Variants in FKBP1B observed in about 807,000 individuals in gnomAD.
FKBP1B encodes the protein FKBP prolyl isomerase 1B.
Under a neutral mutation model 13.5 loss-of-function variants are expected in FKBP1B, and 4 were observed. The observed-to-expected ratio is 0.30, with a 90% CI of 0.15 to 0.68. The LOEUF is 0.68. FKBP1B is among the 30% of genes least tolerant of loss of function. FKBP1B has a pLI of 0.76. For missense variants in FKBP1B, 93 were observed against 136.2 expected (o/e 0.68, Z 1.58); for synonymous variants, 54 against 53.6 (o/e 1.01, Z -0.03).
upstream of FKBP1B, among the ~76,000 whole-genome samples, chr2:24,047,056 T>G (rs1480539802): frequency 6.6e-6 from 1 of 152,110 alleles, no homozygotes; most frequent in Non-Finnish European, 1.5e-5. Flanking sequence ...TTTCCTGACT[T>G]TGGATGACTT....
In FKBP1B at chr2:24,049,843, G is replaced by C. The variant is rs1284612138; in HGVS notation, c.-7G>C. 7.1e-7 allele frequency: 1 copy of C among 1,410,542 alleles called. No homozygotes were observed. The highest frequency in any genetic ancestry group is 2.7e-5 in the Admixed American group (1 of 36,572). 87.4% of individuals were successfully genotyped at this position (1,410,542 alleles called of 1,614,324 possible). A position where few individuals can be genotyped will look rare whatever the true frequency, so the allele number is the denominator to read the frequency against. On this transcript the variant is annotated 5_prime_UTR_variant, in exon 1 of 4. Transcript: ENST00000380986. ...GACCCCCCAGAGGCGGGGCCTGTGG[G>C]ACCGCTATGGGCGTGGAGATCGAGA...
At chr2:24,039,235 A>C in the FKBP1B span, 1 of 1,614,250 alleles carries the variant, frequency 6.2e-7, no homozygotes, top group Non-Finnish European at 8.5e-7. Context: ...CAGCTGCCAC[A>C]CAGTGACATG....
At chr2:24,057,588 G>A (rs989560322) in intron 2 of FKBP1B, among the ~76,000 whole-genome samples, 6 of 152,054 alleles carry the variant, frequency 3.9e-5, no homozygotes, top group Non-Finnish European at 8.8e-5. Context: ...GGTCAGGCTG[G>A]TCTCGAACTC....
Position 24,063,458 on chromosome 2 carries a change from GACAGAACACAGA to G in FKBP1B, c.*267_*278del. On this transcript the variant is annotated 3_prime_UTR_variant, in exon 4 of 4. Transcript: ENST00000380986. Reference sequence around the variant, plus strand: ...GATGCATGTAGTAGCCTTTCCTGATGACAGAACACAGATCTCTTGTTCGCACAATCTACACTG... The same window carrying G: ...GATGCATGTAGTAGCCTTTCCTGATGTCTCTTGTTCGCACAATCTACACTG... 1.9e-5 allele frequency: 8 copies of G among 424,220 alleles called. No individual in the cohort carries two copies. The South Asian group carries it at 2.2e-4, about 12-fold the overall frequency. 26.3% of individuals were successfully genotyped at this position (424,220 alleles called of 1,614,324 possible). A position where few individuals can be genotyped will look rare whatever the true frequency, so the allele number is the denominator to read the frequency against.
rs566192876 is a variant in FKBP1B, at chr2:24,053,764, G to A, written c.38-138G>A. The A allele has an allele frequency of 3.3e-5, 27 of 812,714 alleles. No individual in the cohort carries two copies. The African/African-American group carries it at 3.8e-4, about 12-fold the overall frequency. The allele number at this position is 812,714 out of a possible 1,614,324, so 50.3% of individuals were successfully genotyped here. A position where few individuals can be genotyped will look rare whatever the true frequency, so the allele number is the denominator to read the frequency against. On this transcript the variant is annotated intron_variant, in intron 1 of 3. Transcript: ENST00000380986. Reference sequence around the variant, plus strand: ...TTCATTCTGGCTCGTACAGGGCCCAGAGCCAGAACTAGGGCCACAGGCATC... The same window carrying A: ...TTCATTCTGGCTCGTACAGGGCCCAAAGCCAGAACTAGGGCCACAGGCATC...
In FKBP1B at chr2:24,063,485, A is replaced by AG; in HGVS notation, c.*293_*294insG. ...CAGAACACAGATCTCTTGTTCGCAC[A>AG]ATCTACACTGCCTTACCTTCACTTA... On this transcript the variant is annotated 3_prime_UTR_variant, in exon 4 of 4. Transcript: ENST00000380986. The AG allele has an allele frequency of 1.1e-3, 363 of 317,716 alleles. No individual in the cohort carries two copies. The highest frequency in any genetic ancestry group is 6.4e-3 in the South Asian group (61 of 9,604). The allele number at this position is 317,716 out of a possible 1,614,324, so 19.7% of individuals were successfully genotyped here.
chr2:24,061,728 A>G (rs1664402512), intron 3 of FKBP1B, among the ~76,000 whole-genome samples: 1 of 152,224 alleles, frequency 6.6e-6, no homozygotes. Context: ...ATTATTCAAA[A>G]TTCAAAAGTA....
intron 1 of FKBP1B, 146 bp from the exon 2 acceptor site, chr2:24,053,756 A>G (rs1663987330): frequency 1.3e-6 from 1 of 762,226 alleles, no homozygotes; most frequent in African/African-American, 1.7e-5. Context: ...TGGCTCGTAC[A>G]GGGCCCAGAG....
At chr2:24,057,074 T>C (rs1249994595) in intron 2 of FKBP1B, among the ~76,000 whole-genome samples, 2 of 152,220 alleles carry the variant, frequency 1.3e-5, no homozygotes, top group African/African-American at 2.4e-5. Flanking sequence ...ATCCCAAACA[T>C]CTTCTCCCAC....
At chr2:24,037,421 G>A in the FKBP1B span, among the ~76,000 whole-genome samples, 3 of 152,088 alleles carry the variant, frequency 2.0e-5, no homozygotes, top group Non-Finnish European at 4.4e-5. Flanking sequence ...TAAATTGCCC[G>A]AATTAGTGCA....
At chr2:24,061,736 G>A (rs10181898) in intron 3 of FKBP1B, among the ~76,000 whole-genome samples, 6 of 152,176 alleles carry the variant, frequency 3.9e-5, no homozygotes, top group African/African-American at 1.2e-4. Flanking sequence ...AAATTCAAAA[G>A]TAGATTTAAA....
chr2:24,048,974 C>T (rs529257465), upstream of FKBP1B, among the ~76,000 whole-genome samples: 266 of 152,166 alleles, frequency 1.7e-3, 1 homozygote, highest in African/African-American at 6.1e-3. Context: ...CAGAACTACA[C>T]GAGATGGAGA....
the FKBP1B span, chr2:24,037,977 G>A: frequency 6.2e-7 from 1 of 1,614,208 alleles, no homozygotes; most frequent in Non-Finnish European, 8.5e-7. Flanking sequence ...AGCCATCACA[G>A]ATACTAGACA....
At chr2:24,049,680 C>A, upstream of FKBP1B, 1 of 437,604 alleles carries the variant, frequency 2.3e-6, no homozygotes, top group East Asian at 3.6e-5. Context: ...GCCCCGCCGC[C>A]CCCTTGCCAG....
At chr2:24,054,265 C>G (rs1664020440) in intron 2 of FKBP1B, 3 of 537,648 alleles carry the variant, frequency 5.6e-6, no homozygotes, top group African/African-American at 3.8e-5. Flanking sequence ...CTGGGTCTGT[C>G]TGATATTTGG....
At chr2:24,046,836 A>G (rs139324666), upstream of FKBP1B, among the ~76,000 whole-genome samples, 5 of 152,304 alleles carry the variant, frequency 3.3e-5, no homozygotes, top group African/African-American at 1.2e-4. Flanking sequence ...TTTCAGTTAT[A>G]CTGTGCAACT....
intron 2 of FKBP1B, chr2:24,054,764 T>C (rs1390421626): frequency 6.6e-6 from 1 of 152,510 alleles, no homozygotes; most frequent in Admixed American, 6.5e-5. Flanking sequence ...GACCATGTTT[T>C]ATCTCCTGGT....
chr2:24,063,453 C>CTTA lies in FKBP1B; in HGVS notation c.*262_*263insTAT. On this transcript the variant is annotated 3_prime_UTR_variant, in exon 4 of 4. Coordinates refer to ENST00000380986, the MANE Select transcript of FKBP1B (RefSeq NM_004116.5). The stretch of plus-strand genomic sequence containing the variant: ...TGTGTGATGCATGTAGTAGCCTTTC[C>CTTA]TGATGACAGAACACAGATCTCTTGT... 2 of 438,896 alleles carry CTTA rather than the reference C, an allele frequency of 4.6e-6. No individual in the cohort carries two copies. The highest frequency in any genetic ancestry group is 8.1e-6 in the Non-Finnish European group (2 of 247,270). 27.2% of individuals were successfully genotyped at this position (438,896 alleles called of 1,614,324 possible).
At position 24,060,788 on chromosome 2, in the gene FKBP1B, A is replaced by G. The variant is rs182615067; in HGVS notation, c.86-26A>G. 31 of 1,570,116 alleles carry G rather than the reference A, an allele frequency of 2.0e-5. No individual in the cohort carries two copies. In the East Asian group the frequency reaches 2.5e-4, roughly 12 times the overall value. ...GGAGTTTACTCATGACCACAGCTCT[A>G]TTGCACCCGATTCTTGCTTTGACAG... On this transcript the variant is annotated intron_variant, in intron 2 of 3. Coordinates refer to ENST00000380986, the MANE Select transcript of FKBP1B (RefSeq NM_004116.5).
Sources: allele counts gnomAD v4.1 joint callset (sites outside exome capture counted in the v4.1 genomes callset), GRCh38; gene constraint gnomAD v4.1.1; transcripts MANE v1.5; gene names NCBI Gene and HGNC (gene_info 2026-07-23, HGNC 2026-07-21).